Variants in GLIS3 observed in about 807,000 individuals in gnomAD.
The protein encoded by GLIS3 is zinc finger protein GLIS3.
Under a neutral mutation model 78.6 loss-of-function variants are expected in GLIS3, and 53 were observed. That is an observed-to-expected ratio of 0.67 (90% CI 0.54 to 0.85). GLIS3 has a LOEUF of 0.85. Ranked by LOEUF, GLIS3 falls within the 40% of genes least tolerant of loss-of-function variation. GLIS3 has a pLI of 0.00. For synonymous variants in GLIS3, 684 were observed against 509.9 expected (o/e 1.34, Z -4.60); for missense variants, 1,703 against 1,231.1 (o/e 1.38, Z -5.74).
chr9:4,170,583 C>G (rs1041411772), intron 2 of GLIS3, among the ~76,000 whole-genome samples: 1 of 152,146 alleles, frequency 6.6e-6, no homozygotes, highest in Non-Finnish European at 1.5e-5. Context: ...ACACAACATG[C>G]CAAAGATCAA....
intron 4 of GLIS3, among the ~76,000 whole-genome samples, chr9:4,100,400 C>T (rs963220849): frequency 1.3e-5 from 2 of 152,004 alleles, no homozygotes; most frequent in African/African-American, 4.8e-5. Flanking sequence ...GGGAGTACAA[C>T]AACATAGGAT....
Position 4,337,662 on chromosome 9 carries a change from T to C in GLIS3, n.264+9419A>G, listed in dbSNP as rs914042377. On this transcript the variant is annotated intron_variant and non_coding_transcript_variant, in intron 2 of 4. Transcript: ENST00000471664. Reference sequence around the variant, plus strand: ...CACTGAAGTAAAAGAACATGGAGGATCCCTTTGGGCCAATATCTGACTCAT... The same window carrying C: ...CACTGAAGTAAAAGAACATGGAGGACCCCTTTGGGCCAATATCTGACTCAT... 2.6e-5 allele frequency among the ~76,000 whole-genome samples: 4 copies of C among 152,232 alleles called. 1 individual carries two copies. The Middle Eastern group carries it at 0.01, about 391-fold the overall frequency.
intron 2 of GLIS3, among the ~76,000 whole-genome samples, chr9:4,265,905 T>TTTG (rs1554642322): frequency 3.4e-5 from 2 of 58,338 alleles, no homozygotes; most frequent in African/African-American, 1.0e-4. Context: ...TGGTTTTTTT[T>TTTG]TTGTTTGTCT....
At chr9:3,849,583 C>A (rs1819292606) in intron 9 of GLIS3, among the ~76,000 whole-genome samples, 1 of 152,152 alleles carries the variant, frequency 6.6e-6, no homozygotes. Context: ...GGCTCCTTCT[C>A]CACCTTGCAC....
the GLIS3 span, among the ~76,000 whole-genome samples, chr9:4,374,888 T>G: frequency 1.2e-3 from 178 of 152,372 alleles, no homozygotes; most frequent in Admixed American, 1.3e-3. Flanking sequence ...GCCATCCATT[T>G]TTTTCCACCT....
At chr9:4,424,385 C>T in the GLIS3 span, among the ~76,000 whole-genome samples, 1 of 152,206 alleles carries the variant, frequency 6.6e-6, no homozygotes, top group East Asian at 1.9e-4. Context: ...CTATGAATCT[C>T]TGCCTCTTTA....
intron 2 of GLIS3, among the ~76,000 whole-genome samples, chr9:4,277,029 G>GA (rs891260247): frequency 3.3e-5 from 5 of 150,066 alleles, no homozygotes; most frequent in Admixed American, 1.3e-4. Flanking sequence ...AAGCAGAAGT[G>GA]AAAAAAAAAT....
At chr9:4,350,299 C>A (rs1041059790), upstream of GLIS3, among the ~76,000 whole-genome samples, 2 of 152,114 alleles carry the variant, frequency 1.3e-5, no homozygotes, top group Non-Finnish European at 2.9e-5. Context: ...GAACTGGGCA[C>A]GTTTAAATCA....
At chr9:4,332,257 C>A (rs1027314541) in intron 2 of GLIS3, among the ~76,000 whole-genome samples, 16 of 152,296 alleles carry the variant, frequency 1.1e-4, no homozygotes, top group African/African-American at 3.8e-4. Flanking sequence ...ACTGATAGCG[C>A]CTTTCCTTCC....
chr9:4,323,681 G>A (rs1305024943), intron 2 of GLIS3, among the ~76,000 whole-genome samples: 1 of 152,072 alleles, frequency 6.6e-6, no homozygotes, highest in Non-Finnish European at 1.5e-5. Context: ...CTCCTCTGTG[G>A]TCATTACCAC....
rs111340838 is a variant in GLIS3 at position 4,308,018 on chromosome 9, C to T, written n.584+759G>A. On this transcript the variant is annotated intron_variant and non_coding_transcript_variant, in intron 4 of 4. Coordinates refer to the GLIS3 transcript ENST00000471664. ...TCAACTTTCCTCTCTCCCTTCTCCC[C>T]CAGAACCAAACACTGCTGGCTCTGG... is the stretch of plus-strand genomic sequence containing the variant. Among the ~76,000 whole-genome samples the T allele has an allele frequency of 7.1e-3, 1,087 of 152,272 alleles. 13 individuals carry two copies. The highest frequency in any genetic ancestry group is 0.025 in the African/African-American group (1,039 of 41,564).
At chr9:3,994,105 C>G (rs953654568) in intron 4 of GLIS3, among the ~76,000 whole-genome samples, 2 of 152,152 alleles carry the variant, frequency 1.3e-5, no homozygotes, top group Non-Finnish European at 2.9e-5. Flanking sequence ...GTTCCATGGT[C>G]TAGGACCACA....
rs144453739 is a variant in GLIS3, at chr9:4,312,376, G to A, written n.265-1848C>T. On this transcript the variant is annotated intron_variant and non_coding_transcript_variant, in intron 2 of 4. Transcript: ENST00000471664. Reference sequence around the variant, plus strand: ...CCAGCTACTGGGGAGGCTGGGGTAGGAGAATCACTTGAACCAGGGAGTGGG... The same window carrying A: ...CCAGCTACTGGGGAGGCTGGGGTAGAAGAATCACTTGAACCAGGGAGTGGG... Among the ~76,000 whole-genome samples the A allele has an allele frequency of 6.2e-3, 949 of 152,282 alleles. 4 individuals carry two copies. The highest frequency in any genetic ancestry group is 0.011 in the Admixed American group (168 of 15,298).
At chr9:4,448,165 T>C in the GLIS3 span, among the ~76,000 whole-genome samples, 1 of 152,230 alleles carries the variant, frequency 6.6e-6, no homozygotes, top group Admixed American at 6.5e-5. Context: ...CTAAGATTGA[T>C]TGTCTTCTAA....
chr9:4,281,156 T>TA (rs1265931756), intron 2 of GLIS3, among the ~76,000 whole-genome samples: 23 of 152,314 alleles, frequency 1.5e-4, no homozygotes, highest in African/African-American at 5.3e-4. Context: ...CCACAAATAC[T>TA]AATGGGATGT....
intron 8 of GLIS3, among the ~76,000 whole-genome samples, chr9:3,872,587 T>G (rs2130399312): frequency 6.6e-6 from 1 of 152,200 alleles, no homozygotes; most frequent in East Asian, 1.9e-4. Flanking sequence ...ATAAAAACCC[T>G]CAGATCTCAT....
intron 4 of GLIS3, among the ~76,000 whole-genome samples, chr9:4,000,260 A>C (rs1172782677): frequency 1.3e-5 from 2 of 152,192 alleles, no homozygotes; most frequent in Non-Finnish European, 2.9e-5. Context: ...ATCCTATTAT[A>C]TACACTTCAA....
At chr9:3,887,566 C>A (rs1822165263) in intron 7 of GLIS3, among the ~76,000 whole-genome samples, 1 of 152,156 alleles carries the variant, frequency 6.6e-6, no homozygotes, top group South Asian at 2.1e-4. Context: ...CCCATGAGCT[C>A]CAAACTTCTG....
chr9:3,920,090 G>A (rs1027163807), intron 6 of GLIS3, among the ~76,000 whole-genome samples: 9 of 141,610 alleles, frequency 6.4e-5, no homozygotes, highest in Non-Finnish European at 1.1e-4. Flanking sequence ...TGCAAGCTCC[G>A]CCTCCTGGGT....
Sources: allele counts gnomAD v4.1 joint callset (sites outside exome capture counted in the v4.1 genomes callset), GRCh38; gene constraint gnomAD v4.1.1; transcripts MANE v1.5; gene names NCBI Gene and HGNC (gene_info 2026-07-23, HGNC 2026-07-21).